ENTREP3: variants seen among roughly 807,000 people sequenced by gnomAD.
ENTREP3 encodes the protein protein ENTREP3.
chr1:155,248,309 G>A, the ENTREP3 span: 1 of 1,608,464 alleles, frequency 6.2e-7, no homozygotes, highest in Non-Finnish European at 8.5e-7. Context: ...GAGCCCTGCA[G>A]AGAGACAGAG....
chr1:155,248,313 G>A, the ENTREP3 span: 7 of 1,608,872 alleles, frequency 4.4e-6, no homozygotes, highest in Non-Finnish European at 5.1e-6. Flanking sequence ...CCTGCAGAGA[G>A]ACAGAGATAA....
the ENTREP3 span, chr1:155,250,366 C>G: frequency 7.0e-7 from 1 of 1,436,126 alleles, no homozygotes; most frequent in Non-Finnish European, 9.3e-7. The surrounding 1 kb of genome is among the most constrained non-coding windows in gnomAD (Gnocchi z 5.4). Flanking sequence ...GGCCGGTGCC[C>G]CGGTGGGGTG....
the ENTREP3 span, chr1:155,252,690 G>GTGTATATATATATATATATATA: frequency 3.0e-5 from 1 of 32,880 alleles, no homozygotes. Flanking sequence ...AATTTTGTGT[G>GTGTATATATATATATATATATA]TATATATATA....
the ENTREP3 span, chr1:155,251,396 A>C: frequency 1.2e-6 from 1 of 834,344 alleles, no homozygotes; most frequent in Non-Finnish European, 1.9e-6. Context: ...GGTGCTGTAA[A>C]GACCTTGACC....
chr1:155,250,161 C>T, the ENTREP3 span: 1 of 856,426 alleles, frequency 1.2e-6, no homozygotes, highest in Non-Finnish European at 1.7e-6. The surrounding 1 kb of genome is among the most constrained non-coding windows in gnomAD (Gnocchi z 5.4). Flanking sequence ...GTGAACTCAC[C>T]CTTTCTTCCT....
At chr1:155,251,856 G>T in the ENTREP3 span, 5 of 1,519,330 alleles carry the variant, frequency 3.3e-6, no homozygotes, top group African/African-American at 1.4e-5. Flanking sequence ...GGGCGGGGAC[G>T]TGCAGCCCAG....
chr1:155,254,944 C>T, the ENTREP3 span: 1 of 1,293,048 alleles, frequency 7.7e-7, no homozygotes, highest in Non-Finnish European at 1.1e-6. This position sits in a 1 kb window ranked among gnomAD's most constrained non-coding sequence, Gnocchi z 4.4. Flanking sequence ...TCAGAGGCGC[C>T]CAAGGCCCCG....
chr1:155,249,879 C>G, the ENTREP3 span, among the ~76,000 whole-genome samples: 1 of 123,926 alleles, frequency 8.1e-6, no homozygotes, highest in East Asian at 2.4e-4. Flanking sequence ...GAGCGAGACA[C>G]CGTCTCAAAA....
chr1:155,254,348 C>T, the ENTREP3 span: 1 of 1,597,584 alleles, frequency 6.3e-7, no homozygotes, highest in East Asian at 2.2e-5. The surrounding 1 kb of genome is among the most constrained non-coding windows in gnomAD (Gnocchi z 4.4). Context: ...ATGGGCTTCC[C>T]CTTGCGTGCT....
the ENTREP3 span, chr1:155,254,402 C>A: frequency 6.8e-6 from 11 of 1,614,058 alleles, no homozygotes; most frequent in East Asian, 2.2e-4. This position sits in a 1 kb window ranked among gnomAD's most constrained non-coding sequence, Gnocchi z 4.4. Context: ...GCACCTACCA[C>A]TAGAGTGAAT....
chr1:155,251,280 T>A, the ENTREP3 span: 1 of 871,344 alleles, frequency 1.1e-6, no homozygotes, highest in East Asian at 2.7e-5. Context: ...ACAAGTCACT[T>A]AATTGTGCAG....
the ENTREP3 span, chr1:155,250,712 G>T: frequency 6.2e-7 from 1 of 1,613,022 alleles, no homozygotes. The surrounding 1 kb of genome is among the most constrained non-coding windows in gnomAD (Gnocchi z 5.4). Flanking sequence ...CGTAGTCCAC[G>T]GAGCGCACGG....
At chr1:155,254,461 G>A in the ENTREP3 span, 2 of 1,614,178 alleles carry the variant, frequency 1.2e-6, no homozygotes, top group East Asian at 2.2e-5. This position sits in a 1 kb window ranked among gnomAD's most constrained non-coding sequence, Gnocchi z 4.4. Context: ...CGCCAGCTGG[G>A]GACAGAGTGG....
At chr1:155,250,827 G>C in the ENTREP3 span, 1 of 1,591,398 alleles carries the variant, frequency 6.3e-7, no homozygotes, top group Non-Finnish European at 8.5e-7. The surrounding 1 kb of genome is among the most constrained non-coding windows in gnomAD (Gnocchi z 5.4). Flanking sequence ...GGACACTGTG[G>C]GCGGCAGGGG....
the ENTREP3 span, chr1:155,248,319 G>T: frequency 1.2e-6 from 2 of 1,610,352 alleles, no homozygotes; most frequent in Non-Finnish European, 1.7e-6. Context: ...GAGAGACAGA[G>T]ATAAGAGAAT....
At chr1:155,250,547 C>T in the ENTREP3 span, 1 of 1,571,224 alleles carries the variant, frequency 6.4e-7, no homozygotes, top group African/African-American at 1.3e-5. This position sits in a 1 kb window ranked among gnomAD's most constrained non-coding sequence, Gnocchi z 5.4. Context: ...TGGGGGCACC[C>T]AGTGGGGGTG....
chr1:155,249,788 A>T, the ENTREP3 span, among the ~76,000 whole-genome samples: 1 of 150,974 alleles, frequency 6.6e-6, no homozygotes, highest in African/African-American at 2.4e-5. Context: ...CGGGAGGCTG[A>T]GGAAGGAGAA....
chr1:155,255,197 A>T, the ENTREP3 span: 16 of 418,506 alleles, frequency 3.8e-5, no homozygotes, highest in Non-Finnish European at 4.9e-5. This position sits in a 1 kb window ranked among gnomAD's most constrained non-coding sequence, Gnocchi z 5.6. Context: ...GGGCCGGTCC[A>T]GGAGTGAGGA....
the ENTREP3 span, chr1:155,248,268 G>A: frequency 1.7e-5 from 27 of 1,600,988 alleles, no homozygotes; most frequent in East Asian, 1.8e-4. Flanking sequence ...GAAGGGCAGC[G>A]GGCTAGGCGG....
Sources: allele counts gnomAD v4.1 joint callset (sites outside exome capture counted in the v4.1 genomes callset), GRCh38; gene constraint gnomAD v4.1.1; non-coding constraint Gnocchi (gnomAD v3.1); transcripts MANE v1.5; gene names NCBI Gene and HGNC (gene_info 2026-07-23, HGNC 2026-07-21).